Variants in TRIM66 observed in about 807,000 individuals in gnomAD.
TRIM66 encodes the protein tripartite motif containing 66, also known as tripartite motif-containing protein 66.
In TRIM66, 99 loss-of-function variants were observed where a neutral mutation model predicts 148.2. The ratio of observed to expected loss-of-function variants is 0.67; its 90% CI spans 0.57 to 0.79. The LOEUF (loss-of-function observed/expected upper bound fraction) is 0.79. Among genes scored for constraint, TRIM66 ranks in the 30% least tolerant of loss-of-function variants. TRIM66 has a pLI of 0.00. For synonymous variants in TRIM66, 616 were observed against 635.9 expected, an observed-to-expected ratio of 0.97 and a Z score of 0.47; for missense variants, 1,666 against 1,697.9, an observed-to-expected ratio of 0.98 and a Z score of 0.33.
intron 6 of TRIM66, among the ~76,000 whole-genome samples, chr11:8,655,471 T>G (rs1239013421): frequency 6.6e-6 from 1 of 152,142 alleles, no homozygotes; most frequent in African/African-American, 2.4e-5. Context: ...TTACTCTGCC[T>G]ACAGCAGCCA....
At chr11:8,674,948 C>T (rs1030835909) in intron 3 of TRIM66, 65 bp from the exon 4 acceptor site, 1 of 152,182 alleles carries the variant, frequency 6.6e-6, no homozygotes, top group African/African-American at 2.4e-5. Flanking sequence ...TGATACCACA[C>T]CAAAATTCAA....
intron 15 of TRIM66, 47 bp downstream of exon 15, chr11:8,638,607 C>G (rs192675506): frequency 6.5e-7 from 1 of 1,530,830 alleles, no homozygotes; most frequent in Non-Finnish European, 8.8e-7. Context: ...GGGGTCTTGG[C>G]TGGCAGTGGG....
chr11:8,656,178 G>A (rs1397441195), intron 6 of TRIM66, among the ~76,000 whole-genome samples: 1 of 152,106 alleles, frequency 6.6e-6, no homozygotes, highest in East Asian at 1.9e-4. Context: ...TTTTAATGAG[G>A]ATATCAAAAC....
chr11:8,648,054 T>C lies in TRIM66; in HGVS notation c.758A>G (p.Gln253Arg), dbSNP rs2037023322. The C allele has an allele frequency of 6.4e-7, 1 of 1,551,740 alleles. No homozygotes were observed. The highest frequency in any genetic ancestry group is 8.7e-7 in the Non-Finnish European group (1 of 1,146,998). Residue 253 changes from glutamine (Q) to arginine (R), a missense_variant, in exon 10 of 25, where the codon CAG becomes CGG. Physicochemically the swap from Gln to Arg is conservative, Grantham distance 43 (BLOSUM62 1). Transcript: ENST00000646038. ...CRHVEEVLQN[Q>R]RMLLEGVTTQ... ...AGTCACACCTTCCAGAAGCATCCTC[T>C]GGTTTTGCAAAACTTCTTCAACATG...
intron 6 of TRIM66, among the ~76,000 whole-genome samples, chr11:8,653,489 A>T (rs1331154212): frequency 6.6e-6 from 1 of 152,170 alleles, no homozygotes; most frequent in Admixed American, 6.6e-5. Flanking sequence ...CAGTTGTCTC[A>T]GGCATCCCAC....
chr11:8,683,048 C>T (rs1463702968), upstream of TRIM66: 1 of 875,436 alleles, frequency 1.1e-6, no homozygotes, highest in East Asian at 2.5e-5. Context: ...CGTGGTGAGA[C>T]CTCACGGCCC....
intron 12 of TRIM66, among the ~76,000 whole-genome samples, chr11:8,643,366 G>T (rs1399189153): frequency 2.0e-5 from 3 of 149,160 alleles, no homozygotes; most frequent in African/African-American, 7.4e-5. Flanking sequence ...TTGAGACGGG[G>T]TCTCACTCTG....
intron 6 of TRIM66, among the ~76,000 whole-genome samples, chr11:8,664,380 C>T (rs765691402): frequency 6.6e-6 from 1 of 152,122 alleles, no homozygotes; most frequent in Non-Finnish European, 1.5e-5. Flanking sequence ...TCTAAGTGAG[C>T]GTGGACTCTC....
chr11:8,635,055 G>A (rs1303999973), intron 15 of TRIM66, among the ~76,000 whole-genome samples: 1 of 152,184 alleles, frequency 6.6e-6, no homozygotes, highest in Non-Finnish European at 1.5e-5. Flanking sequence ...GCTACTTCAA[G>A]GATTGTAAAG....
At chr11:8,663,905 G>A (rs2038420438) in intron 6 of TRIM66, among the ~76,000 whole-genome samples, 1 of 152,230 alleles carries the variant, frequency 6.6e-6, no homozygotes, top group South Asian at 2.1e-4. Flanking sequence ...GCTCACTCAC[G>A]TAGAATCTAA....
Position 8,645,825 on chromosome 11 carries a change from G to C in TRIM66, c.1020C>G (p.Asn340Lys). 6.4e-7 allele frequency: 1 copy of C among 1,551,720 alleles called. No individual in the cohort carries two copies. The highest frequency in any genetic ancestry group is 8.7e-7 in the Non-Finnish European group (1 of 1,146,976). Residue 340 changes from asparagine (N) to lysine (K), a missense_variant, in exon 12 of 25, where the codon AAC (asparagine) becomes AAG (lysine). Physicochemically the swap from Asn to Lys is moderately conservative, Grantham distance 94. This residue lies in a region of TRIM66 where 1,431 missense variants were observed against 1,412.4 expected (regional missense o/e 1.01). Transcript: ENST00000646038. ...EQQLQSIMVL[N>K]RQFEHVQNFI... is the part of the protein sequence containing the mutation. ...AATTCTGCACATGCTCAAACTGACG[G>C]TTGAGAACCATGATGCTCTGTAACT...
At chr11:8,654,719 T>C (rs2037662458) in intron 6 of TRIM66, 2 of 152,224 alleles carry the variant, frequency 1.3e-5, no homozygotes, top group African/African-American at 2.4e-5. Context: ...TGACATATAA[T>C]GAAACCAGTT....
Position 8,643,123 on chromosome 11 carries a change from C to A in TRIM66, c.1108G>T (p.Val370Leu). The A allele has an allele frequency of 6.4e-7, 1 of 1,550,680 alleles. No individual in the cohort carries two copies. The highest frequency in any genetic ancestry group is 8.7e-7 in the Non-Finnish European group (1 of 1,146,576). ...VPFLFSKELI[V>L]FQMQRLLETS... The stretch of plus-strand genomic sequence containing the variant: ...TCCAGCAATCGCTGCATCTGAAACA[C>A]AATCTGACAACAGCACCAAAGGTCA... Residue 370 changes from valine (V) to leucine (L), a missense_variant, in exon 13 of 25, where the codon GTG (valine) becomes TTG (leucine). By Grantham distance (32) the Val-to-Leu change is conservative. Transcript: ENST00000646038.
Position 8,624,873 on chromosome 11 carries a change from G to A in TRIM66, c.2666C>T (p.Thr889Ile), listed in dbSNP as rs1030087569. 1.3e-6 allele frequency: 2 copies of A among 1,551,606 alleles called. No homozygotes were observed. Among genetic ancestry groups the A allele is most frequent in the African/African-American group, 2.7e-5 (2 of 73,066 alleles). Reference protein sequence around the residue: ...QAGPSLMSGHTQAVPSLATCP... With the variant: ...QAGPSLMSGHIQAVPSLATCP... The stretch of plus-strand genomic sequence containing the variant: ...AGTTGCCAGACTCGGCACAGCCTGG[G>A]TGTGACCAGACATTAGGCTGGGCCC... Residue 889 changes from threonine to isoleucine, a missense_variant, in exon 16 of 25, where the codon ACC becomes ATC. Transcript: ENST00000646038.
rs1418898236 is a variant in TRIM66 at position 8,612,844 on chromosome 11, A to G, written c.*5100T>C. On this transcript the variant is annotated 3_prime_UTR_variant, in exon 25 of 25. Coordinates refer to ENST00000646038, the MANE Select transcript of TRIM66 (RefSeq NM_001388022.1). ...CAATCCCAGGCTCCTTCCCAACTACAGCAGGCTCTAACTGGTGCAGGATCA... is the reference window on the plus strand; with the variant it reads ...CAATCCCAGGCTCCTTCCCAACTACGGCAGGCTCTAACTGGTGCAGGATCA... 5 of 152,484 alleles carry G rather than the reference A, an allele frequency of 3.3e-5. No homozygotes were observed. Among genetic ancestry groups the G allele is most frequent in the African/African-American group, 1.2e-4 (5 of 41,590 alleles). 9.4% of individuals were successfully genotyped at this position (152,484 alleles called of 1,614,324 possible).
rs1278503641 is a variant in TRIM66 at position 8,621,323 on chromosome 11, T to A, written c.3256-2A>T. The A allele has an allele frequency of 3.9e-6, 6 of 1,548,362 alleles. No homozygotes were observed. Among genetic ancestry groups the A allele is most frequent in the Non-Finnish European group, 3.5e-6 (4 of 1,144,852 alleles). ...CTCAGACAGTCTGTCCTGGCTGACC[T>A]TGGGGAAGAAGTAAGTCTGGGCAGC... On this transcript the variant is annotated splice_acceptor_variant, in intron 19 of 24. Coordinates refer to ENST00000646038, the MANE Select transcript of TRIM66 (RefSeq NM_001388022.1). LOFTEE classifies it high-confidence loss of function.
intron 20 of TRIM66, among the ~76,000 whole-genome samples, 176 bp downstream of exon 20, chr11:8,620,856 C>T (rs2141827596): frequency 6.6e-6 from 1 of 152,314 alleles, no homozygotes; most frequent in South Asian, 2.1e-4. Context: ...GTCAAGCATC[C>T]ACCTGTCTGT....
chr11:8,654,169 C>G lies in TRIM66; in HGVS notation c.341-2266G>C, dbSNP rs142386762. On this transcript the variant is annotated intron_variant, in intron 6 of 24. Transcript: ENST00000646038. ...GGTCAAACAAGGCCTCATCACACAT[C>G]CTCTGCTCCCTTGGCCTTAAAGCCA... is the stretch of plus-strand genomic sequence containing the variant. Among the ~76,000 whole-genome samples the G allele has an allele frequency of 7.2e-5, 11 of 152,380 alleles. No homozygotes were observed. In the East Asian group the frequency reaches 1.9e-3, roughly 27 times the overall value.
At chr11:8,619,138 T>C (rs2033956827) in intron 23 of TRIM66, 170 bp from the exon 24 acceptor site, 11 of 736,528 alleles carry the variant, frequency 1.5e-5, no homozygotes, top group Admixed American at 8.3e-5. Context: ...GCAGCTCTTA[T>C]AGCAGAAGTG....
Sources: gnomAD v4.1 joint callset for allele counts (sites outside exome capture counted in the v4.1 genomes callset) on GRCh38, gnomAD v4.1.1 for gene constraint, gnomAD v4.1.1 regional missense constraint, MANE v1.5 for transcripts, NCBI Gene and HGNC (gene_info 2026-07-23, HGNC 2026-07-21) for gene names.